HS1BP3: variants seen among roughly 807,000 people sequenced by gnomAD.
The protein encoded by HS1BP3 is HCLS1-binding protein 3.
HS1BP3 carries 32 observed loss-of-function variants against 33.5 expected under a neutral mutation model. The observed-to-expected ratio is 0.95, with a 90% CI of 0.72 to 1.28. The LOEUF is 1.28. Among genes scored for constraint, HS1BP3 ranks in the 50% most tolerant of loss-of-function variants. The pLI, the probability that HS1BP3 is intolerant of heterozygous loss-of-function variation, is 0.00. For missense variants in HS1BP3, 486 were observed against 502.3 expected, an observed-to-expected ratio of 0.97 and a Z score of 0.31; for synonymous variants, 187 against 209.2, an observed-to-expected ratio of 0.89 and a Z score of 0.92.
At chr2:20,557,474 T>C (rs1318960168), downstream of HS1BP3, among the ~76,000 whole-genome samples, 1 of 152,198 alleles carries the variant, frequency 6.6e-6, no homozygotes, top group African/African-American at 2.4e-5. Context: ...ATTAGTTCAG[T>C]ATAATCCTCT....
At position 20,638,490 on chromosome 2, in the gene HS1BP3, T is replaced by A. The variant is rs1695232284; in HGVS notation, c.569A>T (p.Asp190Val). ...CTCCTCCTCCAAGGATTCCTCAGCA[T>A]CCTCGCCCTTCAGGCTCTGGACGGG... ...GPPVQSLKGEDAEESLEEEEA... is the reference protein window; with the variant it reads ...GPPVQSLKGEVAEESLEEEEA... Residue 190 changes from aspartate to valine, a missense_variant, in exon 4 of 7, where the codon GAT (aspartate) becomes GTT (valine). Transcript: ENST00000304031. 1 of 1,614,236 alleles carries A rather than the reference T, an allele frequency of 6.2e-7. No individual in the cohort carries two copies. The highest frequency in any genetic ancestry group is 8.5e-7 in the Non-Finnish European group (1 of 1,180,032).
At chr2:20,643,818 A>G (rs11096681) in intron 2 of HS1BP3, among the ~76,000 whole-genome samples, 55,001 of 151,994 alleles carry the variant, frequency 0.36, 10,611 homozygotes, top group Non-Finnish European at 0.43. Flanking sequence ...CTGTAGTCCT[A>G]GATACTTAGG....
At chr2:20,556,736 G>T (rs1013039769), downstream of HS1BP3, among the ~76,000 whole-genome samples, 5 of 152,192 alleles carry the variant, frequency 3.3e-5, no homozygotes, top group African/African-American at 1.2e-4. Flanking sequence ...CCCATCAGTT[G>T]CTGCATTTTA....
chr2:20,594,211 G>A (rs981888931), intron 3 of HS1BP3, among the ~76,000 whole-genome samples: 1 of 152,258 alleles, frequency 6.6e-6, no homozygotes, highest in African/African-American at 2.4e-5. Context: ...TGATCCATTA[G>A]TGACATCTGC....
At position 20,618,715 on chromosome 2, in the gene HS1BP3, C is replaced by A; in HGVS notation, c.*272G>T. On this transcript the variant is annotated 3_prime_UTR_variant, in exon 7 of 7. Transcript: ENST00000304031. ...GGGCTTCTGGTTGGCAAGGCATCCC[C>A]ACACCCTCCCTCCCCTTCATGTCCA... 7.9e-7 allele frequency: 1 copy of A among 1,265,180 alleles called. No homozygotes were observed. Among genetic ancestry groups the A allele is most frequent in the South Asian group, 2.6e-5 (1 of 38,902 alleles). 78.4% of individuals were successfully genotyped at this position (1,265,180 alleles called of 1,614,324 possible). A position where few individuals can be genotyped will look rare whatever the true frequency, so the allele number is the denominator to read the frequency against.
chr2:20,636,956 T>C (rs918312687), intron 4 of HS1BP3: 2 of 152,016 alleles, frequency 1.3e-5, no homozygotes, highest in African/African-American at 4.8e-5. Context: ...GCCGGCAGGA[T>C]TACTCTTAGG....
chr2:20,640,838 C>A (rs767170287), intron 3 of HS1BP3, 135 bp downstream of exon 3: 3 of 831,266 alleles, frequency 3.6e-6, no homozygotes, highest in Non-Finnish European at 6.0e-6. Flanking sequence ...GTCAGCGAGG[C>A]CACCTGCCTC....
intron 5 of HS1BP3, among the ~76,000 whole-genome samples, chr2:20,573,980 G>T (rs75705285): frequency 6.6e-6 from 1 of 152,220 alleles, no homozygotes; most frequent in Non-Finnish European, 1.5e-5. Flanking sequence ...AGAAACAAAA[G>T]CTTCTTGGAC....
downstream of HS1BP3, among the ~76,000 whole-genome samples, chr2:20,558,459 A>G (rs1692894299): frequency 6.6e-6 from 1 of 152,152 alleles, no homozygotes. Context: ...GTGGGGTATC[A>G]TGCCTCCGTC....
At chr2:20,584,209 A>T (rs898892219) in intron 5 of HS1BP3, among the ~76,000 whole-genome samples, 1 of 152,198 alleles carries the variant, frequency 6.6e-6, no homozygotes, top group Non-Finnish European at 1.5e-5. Flanking sequence ...TGCTTCTAGA[A>T]AGCAGCCAGT....
rs35644786 is a variant in HS1BP3 at position 20,601,770 on chromosome 2, CTTTTTTTTTTTTT to C, written c.179-3518_179-3506del. On this transcript the variant is annotated intron_variant, in intron 2 of 3. Coordinates refer to the HS1BP3 transcript ENST00000415264. ...ATCACCCAGTTTTCAAGTGTGTCTT[CTTTTTTTTTTTTT>C]TTTTTTTTTTTTTGAGACGGAGTCT... Among the ~76,000 whole-genome samples, 10 of 69,150 alleles carry C rather than the reference CTTTTTTTTTTTTT, an allele frequency of 1.4e-4. No individual in the cohort carries two copies. In the South Asian group the frequency reaches 7.0e-3, roughly 48 times the overall value. The allele number at this position is 69,150 out of a possible 152,430, so 45.4% of individuals were successfully genotyped here. A position where few individuals can be genotyped will look rare whatever the true frequency, so the allele number is the denominator to read the frequency against.
chr2:20,592,959 G>A (rs1485386095), intron 3 of HS1BP3, among the ~76,000 whole-genome samples: 12 of 152,130 alleles, frequency 7.9e-5, no homozygotes, highest in Admixed American at 4.6e-4. Flanking sequence ...TTCAACCCAC[G>A]ATATCACCTC....
intron 3 of HS1BP3, 24 bp from the exon 4 acceptor site, chr2:20,638,676 T>G: frequency 6.3e-7 from 1 of 1,594,488 alleles, no homozygotes; most frequent in South Asian, 1.1e-5. Context: ...CAGAAAAGAA[T>G]GGACTTGGTA....
At chr2:20,601,770 CTTTTTTTTTTTTTT>C (rs35644786) in intron 2 of HS1BP3, among the ~76,000 whole-genome samples, 1 of 69,122 alleles carries the variant, frequency 1.4e-5, no homozygotes, top group Admixed American at 2.5e-4. Context: ...AGTGTGTCTT[CTTTTTTTTTTTTTT>C]TTTTTTTTTT....
intron 4 of HS1BP3, chr2:20,634,851 G>A (rs577979479): frequency 3.9e-5 from 6 of 152,206 alleles, no homozygotes; most frequent in African/African-American, 4.8e-5. Flanking sequence ...GCTTCACCAC[G>A]GAGGCCACAG....
At chr2:20,585,443 A>G (rs1022421774) in intron 5 of HS1BP3, among the ~76,000 whole-genome samples, 4 of 152,228 alleles carry the variant, frequency 2.6e-5, no homozygotes, top group Admixed American at 2.6e-4. Context: ...CTGAATCCCT[A>G]CAATGCACTA....
rs1205467245 is a variant in HS1BP3, at chr2:20,618,778, G to A, written c.*209C>T. ...CACATTGGGCTCTGGCTCCTAGGGT[G>A]AGAGCCGCTCCCGCAGCCCGCAGGC... On this transcript the variant is annotated 3_prime_UTR_variant, in exon 7 of 7. Coordinates refer to ENST00000304031, the MANE Select transcript of HS1BP3 (RefSeq NM_022460.4). The A allele has an allele frequency of 9.3e-6, 13 of 1,395,994 alleles. No homozygotes were observed. The highest frequency in any genetic ancestry group is 2.7e-5 in the East Asian group (1 of 37,672). The allele number at this position is 1,395,994 out of a possible 1,614,324, so 86.5% of individuals were successfully genotyped here. A position where few individuals can be genotyped will look rare whatever the true frequency, so the allele number is the denominator to read the frequency against.
intron 5 of HS1BP3, among the ~76,000 whole-genome samples, chr2:20,568,922 C>T (rs895830829): frequency 4.6e-5 from 7 of 152,190 alleles, no homozygotes; most frequent in Non-Finnish European, 1.0e-4. Context: ...CCCTCGAGGC[C>T]GTCTTGGTCA....
downstream of HS1BP3, among the ~76,000 whole-genome samples, chr2:20,614,748 G>A (rs1335141118): frequency 6.6e-6 from 1 of 152,250 alleles, no homozygotes; most frequent in Non-Finnish European, 1.5e-5. Flanking sequence ...TGCTGAGTTG[G>A]CAGAGAAGCA....
Sources: gnomAD v4.1 joint callset for allele counts (sites outside exome capture counted in the v4.1 genomes callset) on GRCh38, gnomAD v4.1.1 for gene constraint, MANE v1.5 for transcripts, NCBI Gene and HGNC (gene_info 2026-07-23, HGNC 2026-07-21) for gene names.